Variants in ETFA observed in about 807,000 individuals in gnomAD.
ETFA encodes the protein electron transfer flavoprotein subunit alpha, mitochondrial.
A neutral mutation model predicts 46.2 loss-of-function variants in ETFA; 22 were observed. That is an observed-to-expected ratio of 0.48 (90% CI 0.34 to 0.68). The LOEUF (loss-of-function observed/expected upper bound fraction) is 0.68. Among genes scored for constraint, ETFA ranks in the 30% least tolerant of loss-of-function variants. The pLI, the probability that ETFA is intolerant of heterozygous loss-of-function variation, is 0.01. For missense variants in ETFA, 345 were observed against 401.1 expected, an observed-to-expected ratio of 0.86 and a Z score of 1.19; for synonymous variants, 131 against 139.9, an observed-to-expected ratio of 0.94 and a Z score of 0.45.
intron 9 of ETFA, among the ~76,000 whole-genome samples, chr15:76,232,896 C>T (rs2039083939): frequency 6.6e-6 from 1 of 152,172 alleles, no homozygotes; most frequent in Admixed American, 6.5e-5. Flanking sequence ...ACTGTCTAGC[C>T]CCCTGCAGTA....
At chr15:76,249,598 C>T (rs1285270301) in intron 9 of ETFA, among the ~76,000 whole-genome samples, 1 of 151,906 alleles carries the variant, frequency 6.6e-6, no homozygotes, top group Non-Finnish European at 1.5e-5. Flanking sequence ...CCCGCCACCA[C>T]GCCCAGCTAA....
intron 9 of ETFA, among the ~76,000 whole-genome samples, chr15:76,249,121 C>T (rs776482444): frequency 7.1e-6 from 1 of 140,454 alleles, no homozygotes; most frequent in African/African-American, 2.7e-5. Context: ...ATAAAATTTA[C>T]CATAGTAATT....
chr15:76,255,841 G>A (rs1046189110), intron 9 of ETFA, among the ~76,000 whole-genome samples: 1 of 151,950 alleles, frequency 6.6e-6, no homozygotes. Flanking sequence ...CACTGCCTTA[G>A]TGGTAGTTTC....
intron 10 of ETFA, 81 bp from the exon 11 acceptor site, chr15:76,226,010 A>ATTCCCT: frequency 3.6e-6 from 3 of 829,742 alleles, no homozygotes; most frequent in Non-Finnish European, 6.3e-6. Context: ...AACTTCCAAT[A>ATTCCCT]TATTAATATT....
intron 9 of ETFA, among the ~76,000 whole-genome samples, chr15:76,266,428 A>G (rs1397207280): frequency 6.6e-6 from 1 of 152,238 alleles, no homozygotes; most frequent in East Asian, 1.9e-4. Context: ...AAAAAATGTT[A>G]TATTATCCAT....
chr15:76,302,584 TATA>T (rs1389976725), intron 1 of ETFA, among the ~76,000 whole-genome samples: 4 of 152,116 alleles, frequency 2.6e-5, no homozygotes, highest in Non-Finnish European at 4.4e-5. Context: ...TTCTGTATGA[TATA>T]ATAATGGTAG....
At chr15:76,260,819 G>A (rs1255231016) in intron 9 of ETFA, 1 of 1,607,862 alleles carries the variant, frequency 6.2e-7, no homozygotes, top group Admixed American at 1.7e-5. Context: ...AGCACACCCT[G>A]AGGCTGTAGC....
chr15:76,300,086 C>G (rs1418045194), intron 1 of ETFA, among the ~76,000 whole-genome samples: 2 of 152,178 alleles, frequency 1.3e-5, no homozygotes, highest in Non-Finnish European at 2.9e-5. Context: ...TACTTGTTAT[C>G]TCAGCAATGT....
At chr15:76,302,163 A>T (rs190201357) in intron 1 of ETFA, among the ~76,000 whole-genome samples, 28 of 152,344 alleles carry the variant, frequency 1.8e-4, no homozygotes, top group Middle Eastern at 6.8e-3. Flanking sequence ...TTACCATACA[A>T]TCTAGCAACT....
At chr15:76,233,981 T>G (rs1447437655) in intron 9 of ETFA, among the ~76,000 whole-genome samples, 2 of 152,190 alleles carry the variant, frequency 1.3e-5, no homozygotes, top group Non-Finnish European at 2.9e-5. Context: ...TGAAATTACT[T>G]AAAACCCCCT....
intron 4 of ETFA, among the ~76,000 whole-genome samples, chr15:76,291,269 C>A (rs1008499147): frequency 1.3e-5 from 2 of 151,824 alleles, no homozygotes; most frequent in African/African-American, 2.4e-5. Flanking sequence ...ACGGCGAAAC[C>A]CTGTCTCTAC....
At chr15:76,249,505 G>A (rs1276349569) in intron 9 of ETFA, among the ~76,000 whole-genome samples, 14 of 145,018 alleles carry the variant, frequency 9.7e-5, no homozygotes, top group Non-Finnish European at 4.5e-5. Flanking sequence ...GCAGTGGCGC[G>A]ATCTCGGCTC....
At chr15:76,218,103 A>G (rs747776883) in intron 11 of ETFA, among the ~76,000 whole-genome samples, 3 of 152,278 alleles carry the variant, frequency 2.0e-5, no homozygotes, top group Admixed American at 6.5e-5. Context: ...TTTCATGAAA[A>G]ATAAGATAAA....
intron 9 of ETFA, among the ~76,000 whole-genome samples, chr15:76,233,943 C>G (rs2039096205): frequency 6.6e-6 from 1 of 152,126 alleles, no homozygotes; most frequent in Admixed American, 6.5e-5. Flanking sequence ...TTGATTCACT[C>G]TGGCAGTAAA....
At chr15:76,263,543 AAGTT>A (rs2039440362) in intron 9 of ETFA, among the ~76,000 whole-genome samples, 2 of 152,238 alleles carry the variant, frequency 1.3e-5, no homozygotes, top group Admixed American at 1.3e-4. Flanking sequence ...AGGGGAGTGA[AAGTT>A]AGTACTCAGA....
chr15:76,269,538 C>A (rs1437838759), intron 9 of ETFA, among the ~76,000 whole-genome samples: 1 of 152,184 alleles, frequency 6.6e-6, no homozygotes, highest in Non-Finnish European at 1.5e-5. Flanking sequence ...CATGGCCTCC[C>A]AGAGCTTGGG....
intron 11 of ETFA, among the ~76,000 whole-genome samples, chr15:76,223,393 TCA>T (rs1055559157): frequency 8.6e-5 from 13 of 151,880 alleles, no homozygotes; most frequent in African/African-American, 2.7e-4. Flanking sequence ...AATGTGTTTT[TCA>T]CAGTTTTAGT....
intron 1 of ETFA, 69 bp downstream of exon 1, chr15:76,311,281 C>A: frequency 6.6e-7 from 1 of 1,521,156 alleles, no homozygotes; most frequent in South Asian, 1.2e-5. Flanking sequence ...GTGATCTTTG[C>A]AAGACCCCAT....
chr15:76,283,839 A>G lies in ETFA; in HGVS notation c.665-14T>C, dbSNP rs1313268942. 7 of 1,594,452 alleles carry G rather than the reference A, an allele frequency of 4.4e-6. No homozygotes were observed. Among genetic ancestry groups the G allele is most frequent in the Admixed American group, 1.7e-5 (1 of 59,488 alleles). ...TCAAGCCTCGACCTCATTTAAAAAG[A>G]TGAAAAAAAAAAATTAGGCAAACAT... On this transcript the variant is annotated splice_polypyrimidine_tract_variant and intron_variant, in intron 7 of 11. Transcript: ENST00000557943.
Sources: allele counts gnomAD v4.1 joint callset (sites outside exome capture counted in the v4.1 genomes callset), GRCh38; gene constraint gnomAD v4.1.1; transcripts MANE v1.5; gene names NCBI Gene and HGNC (gene_info 2026-07-23, HGNC 2026-07-21).